C8orf34: variants seen among roughly 807,000 people sequenced by gnomAD.
C8orf34 encodes uncharacterized protein C8orf34.
Under a neutral mutation model 68.3 loss-of-function variants are expected in C8orf34, and 65 were observed. The ratio of observed to expected loss-of-function variants is 0.95; its 90% CI spans 0.78 to 1.17. The LOEUF (loss-of-function observed/expected upper bound fraction) is 1.17, where lower values mean the gene tolerates loss of function less well. Ranked by LOEUF, C8orf34 falls within the 50% of genes most tolerant of loss-of-function variation. The pLI, the probability that C8orf34 is intolerant of heterozygous loss-of-function variation, is 0.00. For synonymous variants in C8orf34, 244 were observed against 241.2 expected, an observed-to-expected ratio of 1.01 and a Z score of -0.11; for missense variants, 664 against 655.4, an observed-to-expected ratio of 1.01 and a Z score of -0.14.
intron 3 of C8orf34, among the ~76,000 whole-genome samples, chr8:68,451,652 AT>A (rs1811350232): frequency 6.6e-6 from 1 of 152,100 alleles, no homozygotes; most frequent in Non-Finnish European, 1.5e-5. Context: ...TAAGTTCACC[AT>A]CTTACATGGG....
chr8:68,744,098 T>G (rs1013690708), intron 10 of C8orf34, among the ~76,000 whole-genome samples: 1 of 152,212 alleles, frequency 6.6e-6, no homozygotes, highest in Admixed American at 6.5e-5. Context: ...GCAGCCTAAC[T>G]GGGAGGTACC....
At chr8:68,522,217 C>T (rs965022435) in intron 6 of C8orf34, among the ~76,000 whole-genome samples, 4 of 152,094 alleles carry the variant, frequency 2.6e-5, no homozygotes, top group African/African-American at 9.7e-5. Context: ...GCTACTAAAA[C>T]CAAATAGAGA....
chr8:68,809,232 ATACTTTCTGCCTTT>A (rs1319322526), intron 12 of C8orf34, among the ~76,000 whole-genome samples: 2 of 152,176 alleles, frequency 1.3e-5, no homozygotes, highest in Non-Finnish European at 2.9e-5. Flanking sequence ...TCTCTGCTAA[ATACTTTCTGCCTTT>A]TACTTACTAA....
intron 8 of C8orf34, among the ~76,000 whole-genome samples, chr8:68,688,176 A>G (rs1429504119): frequency 2.6e-5 from 4 of 152,132 alleles, no homozygotes; most frequent in East Asian, 1.9e-4. Flanking sequence ...CACTGCTGGC[A>G]GGAATGTAAA....
intron 4 of C8orf34, among the ~76,000 whole-genome samples, chr8:68,474,186 C>A (rs757457624): frequency 1.3e-5 from 2 of 152,122 alleles, no homozygotes; most frequent in South Asian, 4.1e-4. Flanking sequence ...ATGCCCAAAG[C>A]GTATCTCCAC....
chr8:68,651,175 A>G (rs1445014788), intron 8 of C8orf34, among the ~76,000 whole-genome samples: 5 of 152,074 alleles, frequency 3.3e-5, no homozygotes, highest in Non-Finnish European at 7.4e-5. Context: ...TTATCTACCT[A>G]TTCATCCATC....
In C8orf34 at chr8:68,731,187, C is replaced by T. The variant is rs147021188; in HGVS notation, c.1404+9750C>T. On this transcript the variant is annotated intron_variant, in intron 10 of 13. Coordinates refer to ENST00000518698, the MANE Select transcript of C8orf34 (RefSeq NM_052958.4). The stretch of plus-strand genomic sequence containing the variant: ...ACATGTTCCTCTCCTTCTTCAGCTA[C>T]GAAAACTACATAGATTACATAAAAT... 2.0e-4 allele frequency among the ~76,000 whole-genome samples: 31 copies of T among 152,198 alleles called. No homozygotes were observed. The East Asian group carries it at 3.5e-3, about 17-fold the overall frequency.
At chr8:68,535,309 G>T in intron 7 of C8orf34, 1 of 982,006 alleles carries the variant, frequency 1.0e-6, no homozygotes, top group Non-Finnish European at 1.2e-6. Context: ...ACATTTTGTA[G>T]ATGTGTGTGC....
intron 10 of C8orf34, among the ~76,000 whole-genome samples, chr8:68,728,475 C>T (rs927780252): frequency 6.6e-6 from 1 of 152,176 alleles, no homozygotes; most frequent in African/African-American, 2.4e-5. Flanking sequence ...TTCAGCAATG[C>T]CCCACTCTAC....
intron 7 of C8orf34, chr8:68,625,493 A>G: frequency 1.7e-6 from 1 of 591,154 alleles, no homozygotes; most frequent in Non-Finnish European, 3.1e-6. Flanking sequence ...TGGTCTTGTA[A>G]AATTCCACTT....
At chr8:68,774,308 T>C (rs566990522) in intron 10 of C8orf34, among the ~76,000 whole-genome samples, 1 of 145,486 alleles carries the variant, frequency 6.9e-6, no homozygotes, top group South Asian at 2.2e-4. Flanking sequence ...AGTTTATCTA[T>C]GTATAAAAAT....
intron 12 of C8orf34, chr8:68,790,860 T>A (rs968312622): frequency 8.5e-6 from 6 of 701,810 alleles, no homozygotes; most frequent in Admixed American, 2.0e-5. Flanking sequence ...GAATTCTGCA[T>A]TTTTCATACT....
chr8:68,442,124 G>C (rs1283455432), intron 2 of C8orf34, among the ~76,000 whole-genome samples: 1 of 152,122 alleles, frequency 6.6e-6, no homozygotes, highest in Non-Finnish European at 1.5e-5. Context: ...AGTGTGAGAT[G>C]ACTTCAGGTG....
Position 68,787,452 on chromosome 8 carries a change from T to G in C8orf34, c.1465T>G (p.Leu489Val), listed in dbSNP as rs1823875612. ...ATGTGTTCTTTTGCAGGATGAATCC[T>G]TAAAGCAATTGCAGGTAGTTCATCA... ...LKNYMEEDES[L>V]KQLQVVHQPW... The change falls in exon 12 of 14, where the codon TTA becomes GTA. Residue 489 changes from leucine to valine, a missense_variant. Transcript: ENST00000518698. 1 of 1,610,806 alleles carries G rather than the reference T, an allele frequency of 6.2e-7. No homozygotes were observed. Among genetic ancestry groups the G allele is most frequent in the African/African-American group, 1.3e-5 (1 of 74,842 alleles).
At chr8:68,414,853 A>G (rs1227431095) in intron 1 of C8orf34, among the ~76,000 whole-genome samples, 3 of 152,126 alleles carry the variant, frequency 2.0e-5, no homozygotes, top group Non-Finnish European at 4.4e-5. Flanking sequence ...CTTGTCCACC[A>G]TTCCCTCTTC....
At chr8:68,330,730 G>A (rs1018925848), upstream of C8orf34, 2 of 353,810 alleles carry the variant, frequency 5.7e-6, no homozygotes, top group Admixed American at 9.7e-5. Flanking sequence ...GCAGCCTCGG[G>A]GAGCAGCCCG....
intron 1 of C8orf34, among the ~76,000 whole-genome samples, chr8:68,356,885 T>C (rs1806772460): frequency 6.6e-6 from 1 of 152,276 alleles, no homozygotes; most frequent in African/African-American, 2.4e-5. Context: ...TAACGCCTGC[T>C]GTTCCTTCAC....
In C8orf34 at chr8:68,426,164, A is replaced by C. The variant is rs539834709; in HGVS notation, c.328-13335A>C. ...CTACCAAAGTATGACTAATAAATAA[A>C]ATTGATAAATAAGACCACATCAAAA... On this transcript the variant is annotated intron_variant, in intron 1 of 13. Transcript: ENST00000518698. 7.2e-5 allele frequency among the ~76,000 whole-genome samples: 11 copies of C among 152,274 alleles called. No individual in the cohort carries two copies. The South Asian group carries it at 1.2e-3, about 17-fold the overall frequency.
intron 8 of C8orf34, among the ~76,000 whole-genome samples, chr8:68,654,983 A>T (rs1017810196): frequency 2.0e-5 from 3 of 152,168 alleles, no homozygotes; most frequent in Non-Finnish European, 4.4e-5. Flanking sequence ...ATATCCAAAA[A>T]ATTTACATGG....
Sources: allele counts gnomAD v4.1 joint callset (sites outside exome capture counted in the v4.1 genomes callset), GRCh38; gene constraint gnomAD v4.1.1; transcripts MANE v1.5; gene names NCBI Gene and HGNC (gene_info 2026-07-23, HGNC 2026-07-21).